The following NCOA6 variants were observed in gnomAD, a reference collection of about 807,000 sequenced individuals.
NCOA6 encodes the protein nuclear receptor coactivator 6.
In NCOA6, 49 loss-of-function variants were observed where a neutral mutation model predicts 171.4. The observed-to-expected ratio is 0.29, with a 90% CI of 0.23 to 0.36. The LOEUF (loss-of-function observed/expected upper bound fraction) is 0.36, where lower values mean the gene tolerates loss of function less well. Among genes scored for constraint, NCOA6 ranks in the 10% least tolerant of loss-of-function variants. The pLI is 1.00. For missense variants in NCOA6, 2,248 were observed against 2,554.5 expected, an observed-to-expected ratio of 0.88 and a Z score of 2.59; for synonymous variants, 910 against 927.5, an observed-to-expected ratio of 0.98 and a Z score of 0.34.
At chr20:34,729,239 C>A (rs1001893352) in intron 13 of NCOA6, among the ~76,000 whole-genome samples, 10 of 152,338 alleles carry the variant, frequency 6.6e-5, no homozygotes, top group Middle Eastern at 3.4e-3. Flanking sequence ...GTGTGAGCCA[C>A]AACGCCCAGC....
rs1023621428 is a variant in NCOA6, at chr20:34,738,763, C to A, written c.5893+1600G>T. 8 of 413,692 alleles carry A rather than the reference C, an allele frequency of 1.9e-5. No homozygotes were observed. In the Admixed American group the frequency reaches 2.0e-4, roughly 11 times the overall value. 25.6% of individuals were successfully genotyped at this position (413,692 alleles called of 1,614,324 possible). ...TTCTGGGAGGTAGAATGTACGATCTCCATTTTACAAGTGAAATACATGGCT... is the reference window on the plus strand; with the variant it reads ...TTCTGGGAGGTAGAATGTACGATCTACATTTTACAAGTGAAATACATGGCT... On this transcript the variant is annotated intron_variant, in intron 11 of 14. Transcript: ENST00000359003.
intron 1 of NCOA6, chr20:34,820,334 A>G (rs6087633): frequency 0.68 from 103,279 of 151,992 alleles, 37,074 homozygotes; most frequent in African/African-American, 0.92. Flanking sequence ...CCGAGATCGC[A>G]CCACTGCACT....
chr20:34,810,705 G>A (rs62211616), intron 1 of NCOA6, among the ~76,000 whole-genome samples: 18,626 of 152,066 alleles, frequency 0.12, 1,504 homozygotes, highest in South Asian at 0.3. Context: ...ACAGGCGCCC[G>A]CCACCATGCC....
In NCOA6 at chr20:34,741,111, A is replaced by G. The variant is rs753726700; in HGVS notation, c.5145T>C (p.Pro1715=). 11 of 1,614,112 alleles carry G rather than the reference A, an allele frequency of 6.8e-6. No homozygotes were observed. The highest frequency in any genetic ancestry group is 9.3e-6 in the Non-Finnish European group (11 of 1,180,052). The change falls in exon 11 of 15, where the codon CCT becomes CCC. Residue 1715 remains proline (P), a synonymous_variant. Transcript: ENST00000359003. ...NIKFSSAPVP[P]NALSSSPAPN... ...GAGCAGGACTACTGGAGAGGGCATT[A>G]GGCGGTACAGGAGCAGAAGAAAATT...
chr20:34,735,404 G>A (rs1247725135), intron 12 of NCOA6, among the ~76,000 whole-genome samples: 1 of 152,146 alleles, frequency 6.6e-6, no homozygotes, highest in Admixed American at 6.5e-5. Flanking sequence ...CCAGCACTTT[G>A]GGAGGACGAG....
rs1364069774 is a variant in NCOA6, at chr20:34,741,549, A to G, written c.4707T>C (p.Ser1569=). 6.2e-7 allele frequency: 1 copy of G among 1,614,102 alleles called. No homozygotes were observed. The highest frequency in any genetic ancestry group is 8.5e-7 in the Non-Finnish European group (1 of 1,180,062). ...LVHPELSEVS[S]NVAPSIPPVM... The stretch of plus-strand genomic sequence containing the variant: ...CTGGAGGGATGCTTGGTGCAACGTT[A>G]GAACTGACCTCACTCAATTCGGGAT... Residue 1569 remains serine (S), a synonymous_variant, in exon 11 of 15, where the codon TCT becomes TCC. Transcript: ENST00000359003.
chr20:34,777,584 C>T (rs1477526137), intron 3 of NCOA6, among the ~76,000 whole-genome samples: 1 of 151,638 alleles, frequency 6.6e-6, no homozygotes, highest in Admixed American at 6.6e-5. Flanking sequence ...TACTGCACTC[C>T]AGCCTGGGTG....
At chr20:34,735,137 G>A (rs1251827201) in intron 12 of NCOA6, among the ~76,000 whole-genome samples, 1 of 152,138 alleles carries the variant, frequency 6.6e-6, no homozygotes, top group African/African-American at 2.4e-5. Flanking sequence ...CAATTACTGT[G>A]AGAAGGGGGA....
intron 1 of NCOA6, among the ~76,000 whole-genome samples, chr20:34,799,771 G>A (rs1175735616): frequency 1.3e-5 from 2 of 152,072 alleles, no homozygotes; most frequent in Non-Finnish European, 2.9e-5. Flanking sequence ...AAACATGAAG[G>A]AGAAATAAAG....
At chr20:34,784,194 T>A (rs879763448) in intron 2 of NCOA6, among the ~76,000 whole-genome samples, 5 of 151,882 alleles carry the variant, frequency 3.3e-5, no homozygotes, top group Non-Finnish European at 7.4e-5. Flanking sequence ...CTTGCATAAA[T>A]GAAAAAAAGT....
intron 1 of NCOA6, among the ~76,000 whole-genome samples, chr20:34,799,831 A>G (rs2078199327): frequency 6.6e-6 from 1 of 152,220 alleles, no homozygotes; most frequent in Non-Finnish European, 1.5e-5. Flanking sequence ...GACCTGTCCT[A>G]CAAGAAACGC....
In NCOA6 at chr20:34,727,351, C is replaced by G. The variant is rs1600743867; in HGVS notation, c.6056G>C (p.Arg2019Pro). Residue 2019 changes from arginine to proline, a missense_variant, in exon 14 of 15, where the codon CGA (arginine) becomes CCA (proline). Coordinates refer to ENST00000359003, the MANE Select transcript of NCOA6 (RefSeq NM_014071.5). Reference protein sequence around the residue: ...KSKIPGRRNSRTEEPTVASES... With the variant: ...KSKIPGRRNSPTEEPTVASES... ...AGAGGCCACAGTTGGCTCTTCAGTT[C>G]GGGAGTTTCTTCGGCCTGGGATTTT... The G allele has an allele frequency of 6.2e-7, 1 of 1,614,124 alleles. No individual in the cohort carries two copies. The highest frequency in any genetic ancestry group is 8.5e-7 in the Non-Finnish European group (1 of 1,180,034).
intron 1 of NCOA6, among the ~76,000 whole-genome samples, chr20:34,823,768 G>A (rs962289283): frequency 3.3e-5 from 5 of 151,830 alleles, no homozygotes; most frequent in African/African-American, 1.2e-4. Context: ...AATGACCATA[G>A]CATGGCTCAT....
chr20:34,732,462 G>C lies in NCOA6; in HGVS notation c.5999+97C>G. On this transcript the variant is annotated intron_variant, in intron 13 of 14. Transcript: ENST00000359003. Reference sequence around the variant, plus strand: ...GACTGGTGCAAGAGTGAAGGAAAAGGACAAGGTGAAGAGAGGTTTAAAGAC... The same window carrying C: ...GACTGGTGCAAGAGTGAAGGAAAAGCACAAGGTGAAGAGAGGTTTAAAGAC... The C allele has an allele frequency of 2.5e-6, 3 of 1,195,986 alleles. No individual in the cohort carries two copies. The Admixed American group carries it at 5.8e-5, about 23-fold the overall frequency. 74.1% of individuals were successfully genotyped at this position (1,195,986 alleles called of 1,614,324 possible).
intron 5 of NCOA6, among the ~76,000 whole-genome samples, chr20:34,761,778 C>T (rs1169482950): frequency 6.6e-6 from 1 of 151,996 alleles, no homozygotes; most frequent in African/African-American, 2.4e-5. Context: ...GCCTCAGCCT[C>T]CCGAGTAGAT....
At chr20:34,807,645 C>T (rs529032433) in intron 1 of NCOA6, among the ~76,000 whole-genome samples, 1 of 152,120 alleles carries the variant, frequency 6.6e-6, no homozygotes, top group South Asian at 2.1e-4. Context: ...CCTGCCTCAG[C>T]CTCCCAAGTG....
At chr20:34,776,480 T>C (rs748451951) in intron 3 of NCOA6, 32 bp from the exon 4 acceptor site, 24 of 1,606,696 alleles carry the variant, frequency 1.5e-5, no homozygotes, top group Non-Finnish European at 1.9e-5. Flanking sequence ...ATTATATTAA[T>C]AATCTTTTAG....
At chr20:34,787,868 T>A (rs950124999) in intron 2 of NCOA6, among the ~76,000 whole-genome samples, 8 of 135,898 alleles carry the variant, frequency 5.9e-5, no homozygotes, top group African/African-American at 1.5e-4. Flanking sequence ...TTATACCTAA[T>A]TTTTTTTTTT....
chr20:34,732,185 T>C (rs2075805342), intron 13 of NCOA6, among the ~76,000 whole-genome samples: 2 of 152,224 alleles, frequency 1.3e-5, no homozygotes, highest in East Asian at 1.9e-4. Flanking sequence ...TCTCCTTCTT[T>C]TGCTTTCAGG....
Sources: allele counts gnomAD v4.1 joint callset (sites outside exome capture counted in the v4.1 genomes callset), GRCh38; gene constraint gnomAD v4.1.1; transcripts MANE v1.5; gene names NCBI Gene and HGNC (gene_info 2026-07-23, HGNC 2026-07-21).